Variants in FRAS1 observed in about 807,000 individuals in gnomAD.
FRAS1 encodes the protein extracellular matrix organizing protein FRAS1.
Under a neutral mutation model 435.2 loss-of-function variants are expected in FRAS1, and 290 were observed. The ratio of observed to expected loss-of-function variants is 0.67; its 90% confidence interval spans 0.61 to 0.73. The LOEUF is 0.73. Ranked by LOEUF, FRAS1 falls within the 30% of genes least tolerant of loss-of-function variation. FRAS1 has a pLI of 0.00. For synonymous variants in FRAS1, 1,800 were observed against 1,851.0 expected, an observed-to-expected ratio of 0.97 and a Z score of 0.71; for missense variants, 4,860 against 5,001.5, an observed-to-expected ratio of 0.97 and a Z score of 0.85.
chr4:78,526,005 G>A (rs980300574), intron 69 of FRAS1, among the ~76,000 whole-genome samples: 1 of 152,228 alleles, frequency 6.6e-6, no homozygotes, highest in Admixed American at 6.5e-5. Context: ...TGAAACGGGT[G>A]CAGGGACTTT....
At chr4:78,237,691 C>A in intron 3 of FRAS1, 74 bp downstream of exon 3, 1 of 674,218 alleles carries the variant, frequency 1.5e-6, no homozygotes, top group South Asian at 3.5e-5. Flanking sequence ...TCATTTCAGA[C>A]ATCTGTTTTT....
At chr4:78,252,863 G>A (rs1175240656) in intron 5 of FRAS1, among the ~76,000 whole-genome samples, 2 of 152,112 alleles carry the variant, frequency 1.3e-5, no homozygotes, top group African/African-American at 2.4e-5. Flanking sequence ...GGGCAATAAA[G>A]ATCACAAGGC....
At chr4:78,467,303 C>T (rs1361867240) in intron 50 of FRAS1, among the ~76,000 whole-genome samples, 1 of 152,006 alleles carries the variant, frequency 6.6e-6, no homozygotes, top group Non-Finnish European at 1.5e-5. Flanking sequence ...TTTTAGATCC[C>T]ATATATAAGT....
chr4:78,140,664 C>A (rs955952792), intron 2 of FRAS1, among the ~76,000 whole-genome samples: 1 of 139,216 alleles, frequency 7.2e-6, no homozygotes, highest in African/African-American at 3.2e-5. Flanking sequence ...TACGTATATA[C>A]ATATGTGTAT....
At chr4:78,382,769 T>C (rs926556213) in intron 27 of FRAS1, among the ~76,000 whole-genome samples, 9 of 152,226 alleles carry the variant, frequency 5.9e-5, no homozygotes, top group African/African-American at 2.2e-4. Context: ...AGTCAATATG[T>C]AAAATAGTTC....
At chr4:78,251,742 T>G (rs1222942984) in intron 4 of FRAS1, among the ~76,000 whole-genome samples, 3 of 152,214 alleles carry the variant, frequency 2.0e-5, no homozygotes, top group African/African-American at 7.2e-5. Context: ...TGAAAAAGAT[T>G]AAGTCACTTA....
chr4:78,322,621 G>A (rs76321757), intron 18 of FRAS1, among the ~76,000 whole-genome samples: 7,686 of 151,896 alleles, frequency 0.051, 361 homozygotes, highest in East Asian at 0.27. Context: ...AGCAGTTATC[G>A]TAACAGTTTT....
intron 2 of FRAS1, among the ~76,000 whole-genome samples, chr4:78,078,952 A>G (rs1025967195): frequency 2.0e-5 from 3 of 152,182 alleles, no homozygotes; most frequent in African/African-American, 7.2e-5. Context: ...AAGAAAAGTT[A>G]TTTGTAAAGA....
Position 78,346,931 on chromosome 4 carries a change from C to G in FRAS1, c.2422+9114C>G, listed in dbSNP as rs1036882860. On this transcript the variant is annotated intron_variant, in intron 20 of 73. Transcript: ENST00000512123. ...ATTTTTCCTGCTCCTCTTCCTCTCCCATCTTCTTTCCTCCAGGGCCCTTGT... is the reference window on the plus strand; with the variant it reads ...ATTTTTCCTGCTCCTCTTCCTCTCCGATCTTCTTTCCTCCAGGGCCCTTGT... Among the ~76,000 whole-genome samples the G allele has an allele frequency of 2.0e-5, 3 of 152,182 alleles. No individual in the cohort carries two copies. In the East Asian group the frequency reaches 5.8e-4, roughly 29 times the overall value.
At chr4:78,406,171 A>G (rs2110351269) in intron 30 of FRAS1, among the ~76,000 whole-genome samples, 1 of 152,358 alleles carries the variant, frequency 6.6e-6, no homozygotes, top group Middle Eastern at 3.4e-3. Flanking sequence ...GACCAGCTTC[A>G]TGATCAGATT....
intron 28 of FRAS1, among the ~76,000 whole-genome samples, chr4:78,387,068 G>C (rs1001303681): frequency 3.3e-5 from 5 of 152,146 alleles, no homozygotes; most frequent in Admixed American, 2.0e-4. Context: ...GTCTCTTTTG[G>C]GATAAATTTA....
chr4:78,500,009 G>A, intron 61 of FRAS1, 88 bp downstream of exon 61: 1 of 1,097,240 alleles, frequency 9.1e-7, no homozygotes, highest in Non-Finnish European at 1.2e-6. Flanking sequence ...ACAGATAAAT[G>A]AAAAAGGAAA....
At chr4:78,335,902 G>GT (rs1379299485) in intron 19 of FRAS1, among the ~76,000 whole-genome samples, 21 of 112,366 alleles carry the variant, frequency 1.9e-4, no homozygotes, top group East Asian at 5.2e-4. Context: ...CGTGTGTGGT[G>GT]GTTTTTTTTT....
At position 78,335,318 on chromosome 4, in the gene FRAS1, C is replaced by A. The variant is rs114856896; in HGVS notation, c.2278+1906C>A. On this transcript the variant is annotated intron_variant, in intron 19 of 73. Transcript: ENST00000512123. ...ACCTGGGTTGGTCAACAATCTCTTA[C>A]TCTATGAGGCCTCTTCTCGTGGCTA... 6.9e-3 allele frequency among the ~76,000 whole-genome samples: 1,058 copies of A among 152,302 alleles called. 16 individuals are homozygous for A. The highest frequency in any genetic ancestry group is 0.024 in the African/African-American group (985 of 41,552).
intron 64 of FRAS1, 111 bp downstream of exon 64, chr4:78,511,617 A>G: frequency 1.1e-6 from 1 of 870,426 alleles, no homozygotes; most frequent in South Asian, 1.4e-5. Flanking sequence ...TAAAAATGTG[A>G]TGATGAATGC....
At chr4:78,330,187 T>C (rs1301230319) in intron 18 of FRAS1, among the ~76,000 whole-genome samples, 1 of 152,218 alleles carries the variant, frequency 6.6e-6, no homozygotes, top group African/African-American at 2.4e-5. Context: ...TATGCCTGTC[T>C]TTATTGCAAT....
Position 78,448,313 on chromosome 4 carries a change from G to A in FRAS1, c.6271G>A (p.Ala2091Thr). 2 of 1,603,172 alleles carry A rather than the reference G, an allele frequency of 1.2e-6. No individual in the cohort carries two copies. Among genetic ancestry groups the A allele is most frequent in the Non-Finnish European group, 1.7e-6 (2 of 1,174,350 alleles). The change falls in exon 44 of 74, where the codon GCA becomes ACA. Residue 2091 changes from alanine (A) to threonine (T), a missense_variant. Transcript: ENST00000512123. ...LAINQGLQLS[A>T]GSVARITEQH... is the part of the protein sequence containing the mutation. ...TATAAACCAAGGCCTACAGCTCTCA[G>A]CAGGTACCACAGAAATAAAGGAGAG...
intron 22 of FRAS1, among the ~76,000 whole-genome samples, chr4:78,366,077 C>T (rs1731257010): frequency 6.6e-6 from 1 of 151,762 alleles, no homozygotes; most frequent in Non-Finnish European, 1.5e-5. Context: ...GAAATGTAAT[C>T]AGTATTAAGG....
chr4:78,286,627 C>A, intron 14 of FRAS1, 88 bp downstream of exon 14: 2 of 1,412,800 alleles, frequency 1.4e-6, no homozygotes, highest in Non-Finnish European at 1.9e-6. Flanking sequence ...ACACCAGGAG[C>A]TGGAAGCACT....
Sources: allele counts gnomAD v4.1 joint callset (sites outside exome capture counted in the v4.1 genomes callset), GRCh38; gene constraint gnomAD v4.1.1; transcripts MANE v1.5; gene names NCBI Gene and HGNC (gene_info 2026-07-23, HGNC 2026-07-21).